The following MICAL3 variants were observed in gnomAD, a reference collection of about 807,000 sequenced individuals.
MICAL3 encodes microtubule associated monooxygenase, calponin and LIM domain containing 3, also known as [F-actin]-monooxygenase MICAL3.
A neutral mutation model predicts 207.4 loss-of-function variants in MICAL3; 62 were observed. The observed-to-expected ratio is 0.30, with a 90% CI of 0.24 to 0.37. The LOEUF is 0.37. Ranked by LOEUF, MICAL3 falls within the 10% of genes least tolerant of loss-of-function variation. The pLI is 1.00. For missense variants in MICAL3, 2,368 were observed against 2,635.6 expected, an observed-to-expected ratio of 0.90 and a Z score of 2.22; for synonymous variants, 1,077 against 1,069.3, an observed-to-expected ratio of 1.01 and a Z score of -0.14.
intron 1 of MICAL3, among the ~76,000 whole-genome samples, chr22:17,972,416 G>A (rs1340052752): frequency 5.9e-5 from 9 of 152,188 alleles, no homozygotes; most frequent in African/African-American, 1.4e-4. Flanking sequence ...AGCGAACCAG[G>A]CTAAGCTACC....
chr22:18,024,215 T>C (rs376995385), intron 1 of MICAL3, 66 bp downstream of exon 1: 33 of 152,360 alleles, frequency 2.2e-4, no homozygotes, highest in African/African-American at 7.7e-4. Flanking sequence ...TTAGAAGACA[T>C]CCAGCAAAAC....
At chr22:17,932,110 T>C (rs1453115974) in intron 1 of MICAL3, among the ~76,000 whole-genome samples, 1 of 152,022 alleles carries the variant, frequency 6.6e-6, no homozygotes, top group African/African-American at 2.4e-5. Context: ...AACATTCAAA[T>C]TCAGAAAATA....
chr22:17,926,938 T>C (rs1932951960), intron 1 of MICAL3, among the ~76,000 whole-genome samples: 1 of 138,962 alleles, frequency 7.2e-6, no homozygotes, highest in Non-Finnish European at 1.5e-5. Flanking sequence ...AAGATATATA[T>C]AACATAAAAG....
chr22:17,831,793 C>G lies in MICAL3; in HGVS notation c.3055+61G>C, dbSNP rs544858698. Reference sequence around the variant, plus strand: ...CAGCCCCAGAAACCTCTTACACTCACGCATGAAACAGATCACTTTGGGGGG... The same window carrying G: ...CAGCCCCAGAAACCTCTTACACTCAGGCATGAAACAGATCACTTTGGGGGG... On this transcript the variant is annotated intron_variant, in intron 21 of 31. Coordinates refer to ENST00000441493, the MANE Select transcript of MICAL3 (RefSeq NM_015241.3). 4 of 1,520,820 alleles carry G rather than the reference C, an allele frequency of 2.6e-6. No individual in the cohort carries two copies. The Admixed American group carries it at 8.1e-5, about 31-fold the overall frequency. 94.2% of individuals were successfully genotyped at this position (1,520,820 alleles called of 1,614,324 possible). A position where few individuals can be genotyped will look rare whatever the true frequency, so the allele number is the denominator to read the frequency against.
intron 19 of MICAL3, among the ~76,000 whole-genome samples, chr22:17,849,803 T>G (rs1009464126): frequency 6.1e-5 from 9 of 147,538 alleles, no homozygotes; most frequent in Non-Finnish European, 1.2e-4. Context: ...CAAGCAATTC[T>G]CCTTCCTCAG....
At chr22:17,806,665 CTG>C (rs2061992517) in intron 29 of MICAL3, among the ~76,000 whole-genome samples, 2 of 152,212 alleles carry the variant, frequency 1.3e-5, no homozygotes, top group South Asian at 2.1e-4. Context: ...CTGCTATAAC[CTG>C]TGTTTTCAAA....
rs2061807671 is a variant in MICAL3, at chr22:17,789,244, C to T, written c.*1488G>A. On this transcript the variant is annotated 3_prime_UTR_variant, in exon 32 of 32. Transcript: ENST00000441493. Reference sequence around the variant, plus strand: ...GCACCAGCCTGCATCCCAGCATCCACTGCAGCACTCGCGTTTCCGTCTGGG... The same window carrying T: ...GCACCAGCCTGCATCCCAGCATCCATTGCAGCACTCGCGTTTCCGTCTGGG... 1 of 152,298 alleles carries T rather than the reference C, an allele frequency of 6.6e-6. No individual in the cohort carries two copies. The highest frequency in any genetic ancestry group is 1.5e-5 in the Non-Finnish European group (1 of 68,076). 9.4% of individuals were successfully genotyped at this position (152,298 alleles called of 1,614,324 possible). A position where few individuals can be genotyped will look rare whatever the true frequency, so the allele number is the denominator to read the frequency against.
At chr22:17,992,704 A>G (rs1478500641) in intron 1 of MICAL3, among the ~76,000 whole-genome samples, 1 of 152,062 alleles carries the variant, frequency 6.6e-6, no homozygotes, top group East Asian at 1.9e-4. Flanking sequence ...CTAAACCCGG[A>G]GGCCGCCAAT....
chr22:17,860,519 G>T, intron 19 of MICAL3: 1 of 985,484 alleles, frequency 1.0e-6, no homozygotes, highest in Non-Finnish European at 1.2e-6. Context: ...GCCCTGCTCG[G>T]ACCTTAAAGG....
intron 1 of MICAL3, among the ~76,000 whole-genome samples, chr22:17,957,515 G>A (rs865937951): frequency 6.6e-6 from 1 of 152,124 alleles, no homozygotes; most frequent in Admixed American, 6.5e-5. Flanking sequence ...TTCTAGACCA[G>A]TCTGGGCAAC....
chr22:17,881,403 C>CTT, intron 16 of MICAL3: 2 of 939,854 alleles, frequency 2.1e-6, no homozygotes, highest in Non-Finnish European at 3.3e-6. Context: ...CAGAAGCACC[C>CTT]CAGGGAGGCC....
At chr22:17,807,419 C>T (rs142563503) in intron 29 of MICAL3, among the ~76,000 whole-genome samples, 220 of 152,354 alleles carry the variant, frequency 1.4e-3, no homozygotes, top group African/African-American at 5.1e-3. Context: ...CTGTGCTTGT[C>T]TCACAGTAAC....
In MICAL3 at chr22:17,889,246, A is replaced by G; in HGVS notation, c.1695-16T>C. 1 of 1,589,890 alleles carries G rather than the reference A, an allele frequency of 6.3e-7. No individual in the cohort carries two copies. The highest frequency in any genetic ancestry group is 8.6e-7 in the Non-Finnish European group (1 of 1,158,720). On this transcript the variant is annotated splice_polypyrimidine_tract_variant and intron_variant, in intron 12 of 31. Coordinates refer to ENST00000441493, the MANE Select transcript of MICAL3 (RefSeq NM_015241.3). ...ATCAAAATCTCTGAGAAACAGGACA[A>G]GGAAAACATATCAAGATAGGTTGAC...
At chr22:17,936,586 A>G (rs1760055647) in intron 1 of MICAL3, among the ~76,000 whole-genome samples, 1 of 152,066 alleles carries the variant, frequency 6.6e-6, no homozygotes. Context: ...AAAAAAAAAA[A>G]AAAGAAACTT....
rs73386353 is a variant in MICAL3, at chr22:17,884,604, T to C, written c.2241+1274A>G. ...AAAACAGAAGCTGTAATACGCATCATCTCTTTTCCAAGCTAAATGTTCTCT... is the reference window on the plus strand; with the variant it reads ...AAAACAGAAGCTGTAATACGCATCACCTCTTTTCCAAGCTAAATGTTCTCT... On this transcript the variant is annotated intron_variant, in intron 16 of 31. Transcript: ENST00000441493. Among the ~76,000 whole-genome samples the C allele has an allele frequency of 7.7e-3, 1,170 of 152,280 alleles. 13 individuals are homozygous for C. Among genetic ancestry groups the C allele is most frequent in the African/African-American group, 0.027 (1,130 of 41,560 alleles).
intron 16 of MICAL3, among the ~76,000 whole-genome samples, chr22:17,880,931 G>A (rs568603445): frequency 5.3e-5 from 8 of 152,286 alleles, no homozygotes; most frequent in African/African-American, 1.7e-4. Context: ...TCGGATGCAC[G>A]ACAAACATCA....
At chr22:18,012,556 T>A (rs976183697) in intron 1 of MICAL3, among the ~76,000 whole-genome samples, 5 of 152,194 alleles carry the variant, frequency 3.3e-5, no homozygotes, top group Non-Finnish European at 5.9e-5. Context: ...CCATATTGAT[T>A]CCCTCAGCTC....
At chr22:17,860,582 A>G in intron 19 of MICAL3, 1 of 985,504 alleles carries the variant, frequency 1.0e-6, no homozygotes, top group Non-Finnish European at 1.2e-6. Context: ...TGTCTTGCAG[A>G]AAAGAGCTGA....
intron 16 of MICAL3, among the ~76,000 whole-genome samples, chr22:17,877,108 TGGAGGTTAG>T (rs201359758): frequency 1.0e-5 from 1 of 99,936 alleles, no homozygotes; most frequent in African/African-American, 4.5e-5. Flanking sequence ...AGGGAGGTTA[TGGAGGTTAG>T]GGAGGTTATG....
Sources: gnomAD v4.1 joint callset for allele counts (sites outside exome capture counted in the v4.1 genomes callset) on GRCh38, gnomAD v4.1.1 for gene constraint, MANE v1.5 for transcripts, NCBI Gene and HGNC (gene_info 2026-07-23, HGNC 2026-07-21) for gene names.